The following SV2C variants were observed in gnomAD, a reference collection of about 807,000 sequenced individuals.
SV2C encodes synaptic vesicle glycoprotein 2C, also known as solute carrier family 22 member B3.
A neutral mutation model predicts 79.7 loss-of-function variants in SV2C; 49 were observed. That is an observed-to-expected ratio of 0.61 (90% CI 0.49 to 0.78). SV2C has a LOEUF of 0.78. SV2C is among the 30% of genes least tolerant of loss of function. SV2C has a pLI of 0.00. For synonymous variants in SV2C, 334 were observed against 333.2 expected (o/e 1.00, Z -0.03); for missense variants, 833 against 912.9 (o/e 0.91, Z 1.13).
intron 2 of SV2C, chr5:76,170,878 T>G: frequency 2.9e-6 from 1 of 339,162 alleles, no homozygotes; most frequent in Non-Finnish European, 4.4e-6. Flanking sequence ...CCCGGGGCAG[T>G]GCGGAGCCGG....
intron 2 of SV2C, among the ~76,000 whole-genome samples, chr5:76,180,769 C>T (rs1312005978): frequency 6.6e-6 from 1 of 152,246 alleles, no homozygotes; most frequent in East Asian, 1.9e-4. Context: ...ATGCTGTGGA[C>T]ACTGTTGAGC....
intron 4 of SV2C, among the ~76,000 whole-genome samples, chr5:76,240,903 T>G (rs1199930566): frequency 6.6e-6 from 1 of 152,192 alleles, no homozygotes; most frequent in Non-Finnish European, 1.5e-5. Flanking sequence ...AGATAAATAT[T>G]TATCATTGAT....
intron 4 of SV2C, among the ~76,000 whole-genome samples, chr5:76,284,401 C>G (rs933454653): frequency 6.6e-6 from 1 of 152,100 alleles, no homozygotes; most frequent in Admixed American, 6.5e-5. Context: ...AATAATTGTA[C>G]TGGTCAGGGT....
intron 1 of SV2C, among the ~76,000 whole-genome samples, chr5:76,122,842 A>C (rs1372016075): frequency 6.6e-6 from 1 of 152,144 alleles, no homozygotes; most frequent in Non-Finnish European, 1.5e-5. Flanking sequence ...ACACATTCAA[A>C]AGCTAGCAGA....
At chr5:76,121,608 C>T (rs1195458789) in intron 1 of SV2C, among the ~76,000 whole-genome samples, 1 of 150,020 alleles carries the variant, frequency 6.7e-6, no homozygotes, top group African/African-American at 2.5e-5. Context: ...TTTCCCAGCA[C>T]CATTTATTAA....
chr5:76,113,322 G>T (rs768539603), intron 1 of SV2C, among the ~76,000 whole-genome samples: 1 of 152,342 alleles, frequency 6.6e-6, no homozygotes, highest in East Asian at 1.9e-4. Context: ...CGGAAGATAC[G>T]TTGCTGGCAA....
At chr5:76,230,003 A>AT (rs1357820135) in intron 4 of SV2C, among the ~76,000 whole-genome samples, 1 of 152,222 alleles carries the variant, frequency 6.6e-6, no homozygotes, top group Non-Finnish European at 1.5e-5. Context: ...TGTTCACAAC[A>AT]TGTTGTTTGT....
At chr5:76,243,421 GGAGCACAGAGGCAGTCCACAT>G (rs1312915151) in intron 4 of SV2C, among the ~76,000 whole-genome samples, 5 of 152,116 alleles carry the variant, frequency 3.3e-5, no homozygotes, top group Admixed American at 6.5e-5. Context: ...ACAGCAGCTG[GGAGCACAGAGGCAGTCCACAT>G]GAGCATCTTC....
At chr5:76,048,692 C>T in the SV2C span, among the ~76,000 whole-genome samples, 9 of 151,698 alleles carry the variant, frequency 5.9e-5, no homozygotes, top group Non-Finnish European at 1.2e-4. Context: ...GAGAGTCAGA[C>T]ATTTGCACAC....
the SV2C span, among the ~76,000 whole-genome samples, chr5:75,931,126 C>T: frequency 2.0e-5 from 3 of 152,130 alleles, no homozygotes; most frequent in African/African-American, 7.2e-5. Context: ...GACCAAGACT[C>T]GGTCTTTAAA....
the SV2C span, among the ~76,000 whole-genome samples, chr5:75,883,855 CAAA>C: frequency 7.4e-6 from 1 of 134,276 alleles, no homozygotes; most frequent in Non-Finnish European, 1.6e-5. Flanking sequence ...AAAAAAAAAA[CAAA>C]AAAAAAACAT....
the SV2C span, among the ~76,000 whole-genome samples, chr5:75,983,625 C>T: frequency 4.7e-5 from 7 of 150,254 alleles, no homozygotes; most frequent in East Asian, 7.9e-4. Flanking sequence ...GATGTTTTGG[C>T]GAACTTTATA....
At chr5:76,017,824 AT>A in the SV2C span, among the ~76,000 whole-genome samples, 2 of 152,204 alleles carry the variant, frequency 1.3e-5, no homozygotes, top group African/African-American at 2.4e-5. Flanking sequence ...AATCAGATGC[AT>A]TCATGCAAGA....
chr5:75,882,993 A>C, the SV2C span, among the ~76,000 whole-genome samples: 1 of 149,496 alleles, frequency 6.7e-6, no homozygotes, highest in Non-Finnish European at 1.5e-5. Flanking sequence ...CAAATTTACA[A>C]GAAAAAAACA....
chr5:75,871,852 C>CAT, the SV2C span, among the ~76,000 whole-genome samples: 1 of 114,730 alleles, frequency 8.7e-6, no homozygotes, highest in African/African-American at 4.1e-5. Context: ...CACACACACA[C>CAT]ACACACGTAT....
At chr5:76,240,773 C>T (rs1222796737) in intron 4 of SV2C, among the ~76,000 whole-genome samples, 1 of 152,192 alleles carries the variant, frequency 6.6e-6, no homozygotes, top group African/African-American at 2.4e-5. Flanking sequence ...CAAACTAAGA[C>T]ACCACCTCAA....
chr5:76,242,404 G>A lies in SV2C; in HGVS notation c.913+32517G>A, dbSNP rs539165568. ...TCTCGCCTCTTCTTCACACTGCTCC[G>A]GTCTCAATCTCTTGACCTCATGATC... is the stretch of plus-strand genomic sequence containing the variant. On this transcript the variant is annotated intron_variant, in intron 4 of 12. Transcript: ENST00000502798. 1.3e-4 allele frequency: 89 copies of A among 693,614 alleles called. 2 individuals are homozygous for A. The highest frequency in any genetic ancestry group is 1.0e-3 in the South Asian group (71 of 68,248). The allele number at this position is 693,614 out of a possible 1,614,324, so 43.0% of individuals were successfully genotyped here. A position where few individuals can be genotyped will look rare whatever the true frequency, so the allele number is the denominator to read the frequency against.
rs1342722154 is a variant in SV2C at position 76,271,765 on chromosome 5, C to T, written c.914-13397C>T. 4.6e-5 allele frequency among the ~76,000 whole-genome samples: 7 copies of T among 152,122 alleles called. No homozygotes were observed. In the East Asian group the frequency reaches 5.8e-4, roughly 13 times the overall value. ...TACAGGCGTGAGCCATCGCGCCCGG[C>T]GTATGTGCTCTTATCACAGTGAAAT... is the stretch of plus-strand genomic sequence containing the variant. On this transcript the variant is annotated intron_variant, in intron 4 of 12. Transcript: ENST00000502798.
the SV2C span, among the ~76,000 whole-genome samples, chr5:76,052,984 G>T: frequency 6.6e-6 from 1 of 151,648 alleles, no homozygotes; most frequent in Non-Finnish European, 1.5e-5. Flanking sequence ...TTCAGACATG[G>T]TGATTAAACC....
Sources: allele counts gnomAD v4.1 joint callset (sites outside exome capture counted in the v4.1 genomes callset), GRCh38; gene constraint gnomAD v4.1.1; transcripts MANE v1.5; gene names NCBI Gene and HGNC (gene_info 2026-07-23, HGNC 2026-07-21).